Variants in DNM3 observed in about 807,000 individuals in gnomAD.
DNM3 encodes dynamin-3.
Under a neutral mutation model 101.6 loss-of-function variants are expected in DNM3, and 47 were observed. That is an observed-to-expected ratio of 0.46 (90% CI 0.37 to 0.59). The LOEUF is 0.59. Ranked by LOEUF, DNM3 falls within the 20% of genes least tolerant of loss-of-function variation. DNM3 has a pLI of 0.00. For synonymous variants in DNM3, 385 were observed against 387.9 expected (o/e 0.99, Z 0.09); for missense variants, 849 against 1,085.7 (o/e 0.78, Z 3.06).
chr1:172,303,474 A>G (rs1349420073), intron 15 of DNM3, among the ~76,000 whole-genome samples: 2 of 152,228 alleles, frequency 1.3e-5, no homozygotes, highest in Non-Finnish European at 1.5e-5. Flanking sequence ...ATCATCCAGG[A>G]GAACTTCCAA....
chr1:171,932,228 A>G (rs1444265853), intron 2 of DNM3, among the ~76,000 whole-genome samples: 6 of 151,096 alleles, frequency 4.0e-5, no homozygotes, highest in African/African-American at 1.5e-4. Context: ...TGTAACCTCC[A>G]ACTCCTCAGC....
At position 172,282,966 on chromosome 1, in the gene DNM3, C is replaced by A. The variant is rs139197658; in HGVS notation, c.1770-25762C>A. On this transcript the variant is annotated intron_variant, in intron 15 of 20. Coordinates refer to ENST00000627582, the MANE Select transcript of DNM3 (RefSeq NM_015569.5). ...CCCACACAGTTCCATCAAGTAGCAT[C>A]GCATCAACTTGCACCTGTTTTACTC... Among the ~76,000 whole-genome samples the A allele has an allele frequency of 3.2e-3, 484 of 152,288 alleles. 3 individuals are homozygous for A. The highest frequency in any genetic ancestry group is 0.011 in the African/African-American group (444 of 41,544).
rs142546867 is a variant in DNM3, at chr1:172,290,875, G to A, written c.1770-17853G>A. 2.7e-3 allele frequency among the ~76,000 whole-genome samples: 410 copies of A among 152,224 alleles called. 1 individual carries two copies. Among genetic ancestry groups the A allele is most frequent in the African/African-American group, 9.2e-3 (382 of 41,536 alleles). ...ATTTAAAGGCCTTTAAGAGGAAGAC[G>A]AGACAAAAAGAGATTAAGAAGCTGT... On this transcript the variant is annotated intron_variant, in intron 15 of 20. Coordinates refer to ENST00000627582, the MANE Select transcript of DNM3 (RefSeq NM_015569.5).
chr1:172,150,931 A>C (rs1234941018), intron 14 of DNM3, among the ~76,000 whole-genome samples: 1 of 152,180 alleles, frequency 6.6e-6, no homozygotes, highest in African/African-American at 2.4e-5. Flanking sequence ...CTTTTTGAAA[A>C]GCCATCATAA....
chr1:172,151,416 C>T (rs569763767), intron 14 of DNM3, among the ~76,000 whole-genome samples: 1 of 152,258 alleles, frequency 6.6e-6, no homozygotes, highest in Non-Finnish European at 1.5e-5. Context: ...TTTAAAACTA[C>T]ACACACATTT....
At chr1:172,393,711 C>T (rs936921253) in intron 20 of DNM3, 1 of 152,594 alleles carries the variant, frequency 6.6e-6, no homozygotes, top group Non-Finnish European at 1.5e-5. Context: ...CCATCCTCCC[C>T]CTTTAAAAAA....
At chr1:172,027,422 A>T (rs1478867184) in intron 4 of DNM3, among the ~76,000 whole-genome samples, 2 of 152,076 alleles carry the variant, frequency 1.3e-5, no homozygotes, top group Non-Finnish European at 2.9e-5. Flanking sequence ...GTTACTAAAA[A>T]ATACAAAAAT....
At chr1:172,275,490 A>T (rs147652501) in intron 15 of DNM3, among the ~76,000 whole-genome samples, 2 of 152,176 alleles carry the variant, frequency 1.3e-5, no homozygotes, top group African/African-American at 4.8e-5. Flanking sequence ...AGAAAAAAAA[A>T]CTTGAGAAAG....
At chr1:172,382,789 A>C (rs1342479387) in intron 18 of DNM3, among the ~76,000 whole-genome samples, 5 of 152,176 alleles carry the variant, frequency 3.3e-5, no homozygotes, top group Non-Finnish European at 7.4e-5. Context: ...AACCCAGATA[A>C]TACAAAAGAG....
At position 171,932,036 on chromosome 1, in the gene DNM3, C is replaced by T. The variant is rs1203445817; in HGVS notation, c.235+10215C>T. ...CCTCCCTTCCTCCCTCCCTCCCTCTCCCTCTCCCCATCCCCCACCCTCCCT... is the reference window on the plus strand; with the variant it reads ...CCTCCCTTCCTCCCTCCCTCCCTCTTCCTCTCCCCATCCCCCACCCTCCCT... On this transcript the variant is annotated intron_variant, in intron 2 of 20. Coordinates refer to ENST00000627582, the MANE Select transcript of DNM3 (RefSeq NM_015569.5). Among the ~76,000 whole-genome samples, 6 of 91,926 alleles carry T rather than the reference C, an allele frequency of 6.5e-5. No homozygotes were observed. The Admixed American group carries it at 6.8e-4, about 10-fold the overall frequency. The allele number at this position is 91,926 out of a possible 152,430, so 60.3% of individuals were successfully genotyped here.
rs2042590026 is a variant in DNM3 at position 171,952,447 on chromosome 1, T to C, written c.235+30626T>C. Among the ~76,000 whole-genome samples, 3 of 152,294 alleles carry C rather than the reference T, an allele frequency of 2.0e-5. No individual in the cohort carries two copies. The South Asian group carries it at 6.2e-4, about 32-fold the overall frequency. On this transcript the variant is annotated intron_variant, in intron 2 of 20. Coordinates refer to ENST00000627582, the MANE Select transcript of DNM3 (RefSeq NM_015569.5). Reference sequence around the variant, plus strand: ...TCGGTCTTAATGATCTCTGTTTTAATGGTAATGCTGGTCAGTCAGTTGTGT... The same window carrying C: ...TCGGTCTTAATGATCTCTGTTTTAACGGTAATGCTGGTCAGTCAGTTGTGT...
chr1:172,306,709 C>T (rs2148867363), intron 15 of DNM3, among the ~76,000 whole-genome samples: 1 of 152,250 alleles, frequency 6.6e-6, no homozygotes, highest in Admixed American at 6.5e-5. Flanking sequence ...AGAACAGAGG[C>T]CTCAGCAATA....
chr1:171,886,325 G>A (rs933130963), intron 1 of DNM3, among the ~76,000 whole-genome samples: 3 of 152,158 alleles, frequency 2.0e-5, no homozygotes, highest in South Asian at 2.1e-4. Context: ...TGACTTTAGC[G>A]TTTGTCTATA....
chr1:171,951,847 G>A (rs2042547755), intron 2 of DNM3, among the ~76,000 whole-genome samples: 1 of 152,160 alleles, frequency 6.6e-6, no homozygotes, highest in South Asian at 2.1e-4. Flanking sequence ...AGTGGTTACA[G>A]ATTGGTTTTA....
chr1:172,389,655 T>A (rs1171432977), intron 20 of DNM3, among the ~76,000 whole-genome samples: 1 of 152,206 alleles, frequency 6.6e-6, no homozygotes, highest in Non-Finnish European at 1.5e-5. Flanking sequence ...ATAAAGTTAA[T>A]TTTTAAAAAA....
chr1:172,047,711 C>T (rs909633307), intron 9 of DNM3, among the ~76,000 whole-genome samples: 3 of 151,800 alleles, frequency 2.0e-5, no homozygotes, highest in South Asian at 2.1e-4. Flanking sequence ...TAAGAAGGGG[C>T]GTCAAGTCAA....
At chr1:172,213,289 C>T (rs1024483147) in intron 14 of DNM3, among the ~76,000 whole-genome samples, 17 of 151,936 alleles carry the variant, frequency 1.1e-4, no homozygotes, top group Admixed American at 1.1e-3. Flanking sequence ...ATACGTGCTT[C>T]AGAAATGACT....
intron 17 of DNM3, among the ~76,000 whole-genome samples, chr1:172,331,334 A>G (rs968454316): frequency 6.6e-6 from 1 of 152,204 alleles, no homozygotes; most frequent in Non-Finnish European, 1.5e-5. Flanking sequence ...TTGAGGTTTA[A>G]AGATAACATA....
chr1:172,075,798 C>T (rs1004086975), intron 11 of DNM3, among the ~76,000 whole-genome samples: 1 of 152,106 alleles, frequency 6.6e-6, no homozygotes, highest in African/African-American at 2.4e-5. Flanking sequence ...GCTATATGGG[C>T]TCTTTTTTGG....
Sources: gnomAD v4.1 joint callset for allele counts (sites outside exome capture counted in the v4.1 genomes callset) on GRCh38, gnomAD v4.1.1 for gene constraint, MANE v1.5 for transcripts, NCBI Gene and HGNC (gene_info 2026-07-23, HGNC 2026-07-21) for gene names.